The following PTPRR variants were observed in gnomAD, a reference collection of about 807,000 sequenced individuals.
The protein encoded by PTPRR is protein tyrosine phosphatase receptor type R, also known as receptor-type tyrosine-protein phosphatase R.
PTPRR carries 38 observed loss-of-function variants against 77.2 expected under a neutral mutation model. The ratio of observed to expected loss-of-function variants is 0.49; its 90% confidence interval spans 0.38 to 0.65. The LOEUF (loss-of-function observed/expected upper bound fraction) is 0.65, where lower values mean the gene tolerates loss of function less well. PTPRR is among the 30% of genes least tolerant of loss of function. The probability of loss-of-function intolerance (pLI) is 0.00; values close to 1 mark genes in which losing one functional copy is unlikely to be tolerated. For synonymous variants in PTPRR, 299 were observed against 283.1 expected (o/e 1.06, Z -0.57); for missense variants, 744 against 799.2 (o/e 0.93, Z 0.83).
intron 7 of PTPRR, among the ~76,000 whole-genome samples, chr12:70,699,331 C>T (rs984177132): frequency 1.3e-5 from 2 of 152,084 alleles, no homozygotes; most frequent in Non-Finnish European, 2.9e-5. Flanking sequence ...TAGAAGAAAT[C>T]ATCTTTAAAT....
chr12:70,652,505 A>G (rs1886433352), intron 13 of PTPRR, among the ~76,000 whole-genome samples: 1 of 152,224 alleles, frequency 6.6e-6, no homozygotes. Flanking sequence ...TAAACAACAG[A>G]AACAGCTGCT....
At chr12:70,775,890 T>C (rs1891077086) in intron 2 of PTPRR, among the ~76,000 whole-genome samples, 6 of 152,176 alleles carry the variant, frequency 3.9e-5, no homozygotes. Flanking sequence ...GTTTATGCCT[T>C]TGAACTGAGT....
intron 2 of PTPRR, among the ~76,000 whole-genome samples, chr12:70,877,230 C>T (rs1893066987): frequency 1.3e-5 from 2 of 152,084 alleles, no homozygotes; most frequent in African/African-American, 2.4e-5. Context: ...CCAGGGAATG[C>T]CATTTACTTA....
intron 2 of PTPRR, among the ~76,000 whole-genome samples, chr12:70,779,493 C>A (rs997948529): frequency 6.6e-6 from 1 of 152,120 alleles, no homozygotes; most frequent in African/African-American, 2.4e-5. Context: ...TCAGAGAGGC[C>A]TTCCCAGCCT....
At chr12:70,858,558 A>C (rs1329805192) in intron 2 of PTPRR, among the ~76,000 whole-genome samples, 1 of 147,714 alleles carries the variant, frequency 6.8e-6, no homozygotes, top group African/African-American at 2.7e-5. Flanking sequence ...TTCCTATTAG[A>C]GTTTGGGCAC....
At chr12:70,716,479 T>G (rs764187652) in intron 6 of PTPRR, among the ~76,000 whole-genome samples, 14 of 152,166 alleles carry the variant, frequency 9.2e-5, no homozygotes, top group East Asian at 1.9e-4. Flanking sequence ...GTACTTTTTT[T>G]GTAATATATA....
intron 6 of PTPRR, among the ~76,000 whole-genome samples, chr12:70,713,097 T>C (rs1158522811): frequency 6.6e-6 from 1 of 152,218 alleles, no homozygotes; most frequent in Non-Finnish European, 1.5e-5. Flanking sequence ...GCTGTGTCTG[T>C]AGATTTACCT....
intron 10 of PTPRR, among the ~76,000 whole-genome samples, chr12:70,667,626 T>C (rs7976576): frequency 0.4 from 60,058 of 151,988 alleles, 14,556 homozygotes; most frequent in African/African-American, 0.67. Flanking sequence ...CTGTTGAATC[T>C]ATCTTGAATG....
At chr12:70,717,346 T>C (rs1889070699) in intron 6 of PTPRR, among the ~76,000 whole-genome samples, 1 of 152,174 alleles carries the variant, frequency 6.6e-6, no homozygotes, top group Non-Finnish European at 1.5e-5. Context: ...TAACTTCTGA[T>C]ACCAGCTAAC....
chr12:70,775,426 C>T (rs1891067214), intron 2 of PTPRR, among the ~76,000 whole-genome samples: 1 of 152,196 alleles, frequency 6.6e-6, no homozygotes, highest in African/African-American at 2.4e-5. Context: ...TGAAATGTAG[C>T]ACTTTCAGGT....
intron 2 of PTPRR, among the ~76,000 whole-genome samples, chr12:70,872,846 T>C (rs1258559224): frequency 6.6e-6 from 1 of 152,142 alleles, no homozygotes; most frequent in African/African-American, 2.4e-5. Flanking sequence ...ATGATGGCTG[T>C]TGTAATCCAT....
chr12:70,847,016 G>T (rs551056288), intron 2 of PTPRR, among the ~76,000 whole-genome samples: 1 of 152,160 alleles, frequency 6.6e-6, no homozygotes, highest in African/African-American at 2.4e-5. Context: ...GGGGTGTCCA[G>T]GCACTGTACA....
intron 2 of PTPRR, among the ~76,000 whole-genome samples, chr12:70,822,807 T>A (rs905084458): frequency 6.6e-6 from 1 of 152,206 alleles, no homozygotes; most frequent in Admixed American, 6.5e-5. Context: ...ATGGACTTCA[T>A]ACGACCATAA....
At chr12:70,767,242 C>A (rs1890848568) in intron 2 of PTPRR, among the ~76,000 whole-genome samples, 1 of 151,818 alleles carries the variant, frequency 6.6e-6, no homozygotes, top group Non-Finnish European at 1.5e-5. Context: ...GAGTCAAGAC[C>A]CATCAGTGTG....
At chr12:70,860,408 G>A (rs1892731843) in intron 2 of PTPRR, among the ~76,000 whole-genome samples, 1 of 152,038 alleles carries the variant, frequency 6.6e-6, no homozygotes, top group Admixed American at 6.6e-5. Context: ...TTCAATTAAG[G>A]ATAGCCCAAA....
chr12:70,698,216 C>G, intron 8 of PTPRR, 49 bp downstream of exon 8: 1 of 1,513,036 alleles, frequency 6.6e-7, no homozygotes, highest in East Asian at 2.3e-5. Context: ...AATGGCTATC[C>G]CTCCCCTTGC....
intron 8 of PTPRR, among the ~76,000 whole-genome samples, chr12:70,694,478 A>C (rs1888159928): frequency 6.6e-6 from 1 of 152,226 alleles, no homozygotes; most frequent in African/African-American, 2.4e-5. Flanking sequence ...AGTCATAAAA[A>C]AGAACAAAAT....
Position 70,684,159 on chromosome 12 carries a change from C to T in PTPRR, c.1465G>A (p.Val489Ile), listed in dbSNP as rs1461925293. 10 of 1,613,896 alleles carry T rather than the reference C, an allele frequency of 6.2e-6. No individual in the cohort carries two copies. Among genetic ancestry groups the T allele is most frequent in the Admixed American group, 3.3e-5 (2 of 60,000 alleles). Residue 489 changes from valine to isoleucine, a missense_variant, in exon 10 of 14, where the codon GTT becomes ATT. By Grantham distance (29) the Val-to-Ile change is conservative. Around this residue, in one of 3 missense-constraint regions of PTPRR, gnomAD observed 170 missense variants for 209.8 expected, o/e 0.81. Coordinates refer to ENST00000283228, the MANE Select transcript of PTPRR (RefSeq NM_002849.4). Reference protein sequence around the residue: ...MVWQEDSPVIVMITKLKEKNE... With the variant: ...MVWQEDSPVIIMITKLKEKNE... ...TTTTCTTTGAGTTTTGTGATCATAACAATCACAGGGCTGTCTTCCTGCCAA... is the reference window on the plus strand; with the variant it reads ...TTTTCTTTGAGTTTTGTGATCATAATAATCACAGGGCTGTCTTCCTGCCAA...
intron 13 of PTPRR, among the ~76,000 whole-genome samples, chr12:70,652,116 G>A (rs756277186): frequency 1.3e-5 from 2 of 152,180 alleles, no homozygotes; most frequent in African/African-American, 2.4e-5. Flanking sequence ...GACAAGGTTT[G>A]AACAAGTGAT....
Sources: allele counts gnomAD v4.1 joint callset (sites outside exome capture counted in the v4.1 genomes callset), GRCh38; gene constraint gnomAD v4.1.1; regional missense constraint gnomAD v4.1.1; transcripts MANE v1.5; gene names NCBI Gene and HGNC (gene_info 2026-07-23, HGNC 2026-07-21).